BTD: variants seen among roughly 807,000 people sequenced by gnomAD.
BTD encodes biotinidase.
Under a neutral mutation model 17.7 loss-of-function variants are expected in BTD, and 13 were observed. The observed-to-expected ratio is 0.74, with a 90% confidence interval of 0.48 to 1.17. The LOEUF (loss-of-function observed/expected upper bound fraction) is 1.17. Ranked by LOEUF, BTD falls within the 50% of genes most tolerant of loss-of-function variation. The pLI is 0.00. For missense variants in BTD, 674 were observed against 650.4 expected (o/e 1.04, Z -0.39); for synonymous variants, 240 against 245.2 (o/e 0.98, Z 0.20).
At chr3:15,718,704 C>T (rs370294792) in intron 4 of BTD, among the ~76,000 whole-genome samples, 6 of 152,112 alleles carry the variant, frequency 3.9e-5, no homozygotes, top group African/African-American at 1.2e-4. Flanking sequence ...TAGTAGCTGA[C>T]GACACAGGTA....
chr3:15,616,352 C>T (rs529449168), intron 1 of BTD, among the ~76,000 whole-genome samples: 2 of 152,264 alleles, frequency 1.3e-5, no homozygotes, highest in East Asian at 3.9e-4. Context: ...CGGTGGCTCA[C>T]ACCTGTAATC....
chr3:15,618,889 T>C (rs2064869679), intron 1 of BTD, among the ~76,000 whole-genome samples: 1 of 152,274 alleles, frequency 6.6e-6, no homozygotes, highest in Non-Finnish European at 1.5e-5. Flanking sequence ...AATAAATTGA[T>C]GTTTGCATAT....
chr3:15,714,533 A>G (rs1166824857), downstream of BTD: 5 of 912,008 alleles, frequency 5.5e-6, no homozygotes, highest in Admixed American at 5.7e-5. Flanking sequence ...TACATTTAAG[A>G]AAAAAAAAAA....
At chr3:15,642,313 A>G in intron 3 of BTD, 2 of 1,374,568 alleles carry the variant, frequency 1.5e-6, no homozygotes, top group South Asian at 1.7e-5. Flanking sequence ...CTTAAACCAA[A>G]CCAAAAGTAA....
chr3:15,633,922 T>C lies in BTD; in HGVS notation c.-16-1502T>C, dbSNP rs554148453. ...ACTTTTGTTTCTACTCAAAAACTCATGACTGCTCACTCAAAGACTCCTTGT... is the reference window on the plus strand; with the variant it reads ...ACTTTTGTTTCTACTCAAAAACTCACGACTGCTCACTCAAAGACTCCTTGT... On this transcript the variant is annotated intron_variant, in intron 1 of 3. Coordinates refer to ENST00000643237, the MANE Select transcript of BTD (RefSeq NM_001370658.1). 4.6e-4 allele frequency among the ~76,000 whole-genome samples: 70 copies of C among 152,344 alleles called. No individual in the cohort carries two copies. The South Asian group carries it at 5.0e-3, about 11-fold the overall frequency.
intron 3 of BTD, chr3:15,696,292 T>A (rs1414669658): frequency 8.3e-7 from 1 of 1,211,958 alleles, no homozygotes; most frequent in Non-Finnish European, 1.2e-6. Context: ...ATCCTGCATA[T>A]TAACCAATGA....
intron 3 of BTD, among the ~76,000 whole-genome samples, chr3:15,664,907 C>T (rs755990761): frequency 4.9e-4 from 74 of 152,100 alleles, no homozygotes; most frequent in Non-Finnish European, 1.2e-4. Context: ...CTATTAAGTA[C>T]GACGCCTATT....
chr3:15,712,842 A>C (rs2072497189), downstream of BTD, among the ~76,000 whole-genome samples: 1 of 152,238 alleles, frequency 6.6e-6, no homozygotes, highest in Non-Finnish European at 1.5e-5. Context: ...CTAAATTAAT[A>C]AGCTCATGTA....
At chr3:15,605,958 G>A (rs1013526345) in intron 1 of BTD, among the ~76,000 whole-genome samples, 1 of 149,402 alleles carries the variant, frequency 6.7e-6, no homozygotes, top group East Asian at 2.0e-4. Flanking sequence ...TGGGAGAATC[G>A]TGTGAGCCAG....
Position 15,645,436 on chromosome 3 carries a change from C to T in BTD, c.1520C>T (p.Ser507Phe), listed in dbSNP as rs766612229. The change falls in exon 4 of 4, where the codon TCC (serine) becomes TTC (phenylalanine). Residue 507 changes from serine (S) to phenylalanine (F), a missense_variant. Ser to Phe is a radical substitution (Grantham distance 155, BLOSUM62 -2). Transcript: ENST00000643237. ...TATTTCCTGAGGAAAAGTAGGCTGT[C>T]CTCTGGGCTGGTGACGGCGGCTCTC... Reference protein sequence around the residue: ...DHYFLRKSRLSSGLVTAALYG... With the variant: ...DHYFLRKSRLFSGLVTAALYG... 6.2e-7 allele frequency: 1 copy of T among 1,613,546 alleles called. No homozygotes were observed. The highest frequency in any genetic ancestry group is 1.1e-5 in the South Asian group (1 of 91,076).
At chr3:15,709,654 G>A in intron 3 of BTD, 2 of 1,558,022 alleles carry the variant, frequency 1.3e-6, no homozygotes, top group Non-Finnish European at 1.7e-6. Flanking sequence ...TAAAGAAACT[G>A]TATCATACCC....
intron 3 of BTD, among the ~76,000 whole-genome samples, chr3:15,660,349 C>A (rs1321711536): frequency 6.6e-6 from 1 of 152,236 alleles, no homozygotes; most frequent in Non-Finnish European, 1.5e-5. Context: ...TCTCTGCATC[C>A]GTTGCTACCC....
intron 3 of BTD, among the ~76,000 whole-genome samples, chr3:15,680,326 T>C (rs2067408752): frequency 6.6e-6 from 1 of 152,064 alleles, no homozygotes; most frequent in Non-Finnish European, 1.5e-5. Context: ...TGTCTCAGCC[T>C]CCCAAGTAGC....
chr3:15,633,454 A>G (rs1341343588), intron 1 of BTD, among the ~76,000 whole-genome samples: 1 of 152,206 alleles, frequency 6.6e-6, no homozygotes, highest in Non-Finnish European at 1.5e-5. Context: ...TCCTTTTGTA[A>G]AATAAATTTT....
chr3:15,605,802 G>T (rs1217910686), intron 1 of BTD, among the ~76,000 whole-genome samples: 2 of 152,120 alleles, frequency 1.3e-5, no homozygotes, highest in African/African-American at 4.8e-5. Context: ...CCAGCACTTT[G>T]GGAGGCCGAG....
At chr3:15,706,893 G>C (rs2071513681) in intron 3 of BTD, among the ~76,000 whole-genome samples, 1 of 151,956 alleles carries the variant, frequency 6.6e-6, no homozygotes, top group Non-Finnish European at 1.5e-5. Context: ...GTCTTCTTTA[G>C]AGAAGTGTCT....
Position 15,635,759 on chromosome 3 carries a change from T to A in BTD, c.249+71T>A. 1 of 1,606,724 alleles carries A rather than the reference T, an allele frequency of 6.2e-7. No homozygotes were observed. Among genetic ancestry groups the A allele is most frequent in the Non-Finnish European group, 8.5e-7 (1 of 1,175,730 alleles). On this transcript the variant is annotated intron_variant, in intron 2 of 3. Transcript: ENST00000643237. This position sits in a 1 kb window ranked among gnomAD's most constrained non-coding sequence, Gnocchi z 4.1. ...TTGCTCTTTACCCCTTGATCAGTGG[T>A]TGGGTAATCCCAGGCTTCCTACCAC...
chr3:15,648,737 T>A lies in BTD; in HGVS notation c.*3249T>A, dbSNP rs2065749207. Among the ~76,000 whole-genome samples the A allele has an allele frequency of 6.6e-6, 1 of 152,152 alleles. No individual in the cohort carries two copies. The highest frequency in any genetic ancestry group is 2.1e-4 in the South Asian group (1 of 4,830). On this transcript the variant is annotated 3_prime_UTR_variant, in exon 4 of 4. Transcript: ENST00000643237. ...AATGTGGCCTTATTTGGAAATAGGG[T>A]CTTTGCAGATGCAATGAAGATATAA...
chr3:15,617,322 G>A (rs908687347), intron 1 of BTD, among the ~76,000 whole-genome samples: 32 of 152,306 alleles, frequency 2.1e-4, no homozygotes, highest in African/African-American at 7.0e-4. Context: ...GTGAAGTGCA[G>A]TGTATCAATT....
Sources: allele counts gnomAD v4.1 joint callset (sites outside exome capture counted in the v4.1 genomes callset), GRCh38; gene constraint gnomAD v4.1.1; non-coding constraint Gnocchi (gnomAD v3.1); transcripts MANE v1.5; gene names NCBI Gene and HGNC (gene_info 2026-07-23, HGNC 2026-07-21).